SPOP: variants seen among roughly 807,000 people sequenced by gnomAD.
The protein encoded by SPOP is speckle type BTB/POZ protein, also known as speckle-type POZ protein.
SPOP carries 11 observed loss-of-function variants against 45.6 expected under a neutral mutation model. That is an observed-to-expected ratio of 0.24 (90% CI 0.15 to 0.40). The LOEUF is 0.40. Among genes scored for constraint, SPOP ranks in the 10% least tolerant of loss-of-function variants. The probability of loss-of-function intolerance (pLI) is 1.00; values close to 1 mark genes in which losing one functional copy is unlikely to be tolerated. For synonymous variants in SPOP, 166 were observed against 166.3 expected, an observed-to-expected ratio of 1.00 and a Z score of 0.01; for missense variants, 152 against 465.6, an observed-to-expected ratio of 0.33 and a Z score of 6.20.
chr17:49,637,910 C>T (rs2676798), intron 1 of SPOP, among the ~76,000 whole-genome samples: 11,013 of 152,252 alleles, frequency 0.072, 498 homozygotes, highest in East Asian at 0.21. Context: ...CTATGCTGCC[C>T]CAGCTGGAGT....
intron 8 of SPOP, among the ~76,000 whole-genome samples, chr17:49,602,965 G>A (rs1233107182): frequency 6.6e-6 from 1 of 152,120 alleles, no homozygotes. Context: ...ATACAAGGAG[G>A]CACAAAATAA....
At chr17:49,670,534 G>GT (rs1292574643) in intron 1 of SPOP, among the ~76,000 whole-genome samples, 1 of 152,200 alleles carries the variant, frequency 6.6e-6, no homozygotes, top group Non-Finnish European at 1.5e-5. Context: ...CCTGAAATCA[G>GT]TAAGATTACT....
intron 5 of SPOP, among the ~76,000 whole-genome samples, chr17:49,614,066 A>C (rs1299866088): frequency 6.6e-6 from 1 of 152,224 alleles, no homozygotes; most frequent in Non-Finnish European, 1.5e-5. Context: ...TAAAAAAACA[A>C]ATTTCATAAA....
intron 1 of SPOP, among the ~76,000 whole-genome samples, chr17:49,661,850 C>A (rs1183422605): frequency 6.6e-6 from 1 of 151,940 alleles, no homozygotes; most frequent in Non-Finnish European, 1.5e-5. Flanking sequence ...CCCGCCTCTA[C>A]TAAAAGTACA....
chr17:49,644,525 C>T (rs2072718255), intron 1 of SPOP, among the ~76,000 whole-genome samples: 1 of 152,084 alleles, frequency 6.6e-6, no homozygotes, highest in Non-Finnish European at 1.5e-5. Flanking sequence ...AGGTTGTTCA[C>T]TAGTTGTCTG....
At chr17:49,657,429 T>G (rs985206558) in intron 1 of SPOP, among the ~76,000 whole-genome samples, 1 of 152,092 alleles carries the variant, frequency 6.6e-6, no homozygotes, top group African/African-American at 2.4e-5. Context: ...GATGTAGTCT[T>G]GCACTGTCAC....
intron 5 of SPOP, 55 bp downstream of exon 5, chr17:49,618,926 A>G: frequency 6.4e-7 from 1 of 1,567,780 alleles, no homozygotes; most frequent in Non-Finnish European, 8.6e-7. Flanking sequence ...AATTAAGTCT[A>G]CCAATACTCA....
intron 1 of SPOP, among the ~76,000 whole-genome samples, chr17:49,662,083 C>T (rs1160591247): frequency 6.6e-6 from 1 of 151,054 alleles, no homozygotes; most frequent in African/African-American, 2.4e-5. Context: ...TAGAGAGACC[C>T]TTTAATGACC....
intron 1 of SPOP, among the ~76,000 whole-genome samples, chr17:49,637,871 A>T (rs1240494183): frequency 6.6e-6 from 1 of 152,186 alleles, no homozygotes; most frequent in Non-Finnish European, 1.5e-5. Context: ...CATGTATCCT[A>T]TGGTTTTCTG....
At chr17:49,626,964 C>T (rs1260426859) in intron 1 of SPOP, among the ~76,000 whole-genome samples, 1 of 152,092 alleles carries the variant, frequency 6.6e-6, no homozygotes, top group African/African-American at 2.4e-5. Flanking sequence ...ATTCTCCTGC[C>T]TCAGCCTCCT....
chr17:49,655,032 G>A (rs531163406), intron 1 of SPOP, among the ~76,000 whole-genome samples: 1 of 152,118 alleles, frequency 6.6e-6, no homozygotes, highest in East Asian at 1.9e-4. Flanking sequence ...GTCAAAACTT[G>A]TATAATTTAG....
chr17:49,600,519 A>G lies in SPOP; in HGVS notation c.984T>C (p.His328=). ...KTQAVDFINY[H]ASDVLETSGW... is the part of the protein sequence containing the mutation. ...CAGAGGTCTCCAAGACATCCGAAGC[A>G]TGACTAGGAGAAATGTGGAGAAATG... The change falls in exon 10 of 10, where the codon CAT becomes CAC. Residue 328 remains histidine (H), a synonymous_variant. Transcript: ENST00000504102. This position sits in a 1 kb window ranked among gnomAD's most constrained non-coding sequence, Gnocchi z 4.2. The G allele has an allele frequency of 6.2e-7, 1 of 1,614,142 alleles. No individual in the cohort carries two copies. Among genetic ancestry groups the G allele is most frequent in the Non-Finnish European group, 8.5e-7 (1 of 1,180,006 alleles).
At position 49,610,222 on chromosome 17, in the gene SPOP, G is replaced by T. The variant is rs576259054; in HGVS notation, c.658+1058C>A. 3.0e-3 allele frequency among the ~76,000 whole-genome samples: 456 copies of T among 151,030 alleles called. 4 individuals carry two copies. Among genetic ancestry groups the T allele is most frequent in the Admixed American group, 0.024 (363 of 15,166 alleles). ...AGAGTTATAGACTTCCTTGAGTTTT[G>T]TTTTTTTTTCCCCCGAGACAGAGTC... On this transcript the variant is annotated intron_variant, in intron 6 of 9. Coordinates refer to ENST00000504102, the MANE Select transcript of SPOP (RefSeq NM_001007228.2).
intron 6 of SPOP, 89 bp downstream of exon 6, chr17:49,611,191 A>C: frequency 7.0e-7 from 1 of 1,437,358 alleles, no homozygotes; most frequent in East Asian, 2.3e-5. Flanking sequence ...GAGTTCAAAA[A>C]GTTGAAGTTG....
At chr17:49,614,384 A>T (rs1030352543) in intron 5 of SPOP, among the ~76,000 whole-genome samples, 2 of 152,210 alleles carry the variant, frequency 1.3e-5, no homozygotes, top group Non-Finnish European at 2.9e-5. Context: ...AGATGACTAC[A>T]TACAGTCTGA....
intron 3 of SPOP, among the ~76,000 whole-genome samples, chr17:49,620,183 GA>G (rs969461842): frequency 7.1e-5 from 10 of 140,520 alleles, no homozygotes; most frequent in Admixed American, 1.4e-4. Context: ...AAAAGAAAAA[GA>G]AAAAAAAAAG....
chr17:49,614,927 C>T (rs549077780), intron 5 of SPOP, among the ~76,000 whole-genome samples: 1 of 151,662 alleles, frequency 6.6e-6, no homozygotes, highest in South Asian at 2.1e-4. Context: ...GGTGTGATCA[C>T]AGCTCACTGT....
At chr17:49,639,263 T>G (rs2072601955) in intron 1 of SPOP, among the ~76,000 whole-genome samples, 1 of 152,094 alleles carries the variant, frequency 6.6e-6, no homozygotes, top group Non-Finnish European at 1.5e-5. Context: ...TTCTCAAAAT[T>G]TAAAGCATCT....
At chr17:49,634,307 A>C (rs1014475736) in intron 1 of SPOP, among the ~76,000 whole-genome samples, 3 of 152,230 alleles carry the variant, frequency 2.0e-5, no homozygotes, top group South Asian at 2.1e-4. Flanking sequence ...CAAAGAGTGA[A>C]CTTGGGAAAG....
Sources: gnomAD v4.1 joint callset for allele counts (sites outside exome capture counted in the v4.1 genomes callset) on GRCh38, gnomAD v4.1.1 for gene constraint, Gnocchi (gnomAD v3.1) non-coding constraint, MANE v1.5 for transcripts, NCBI Gene and HGNC (gene_info 2026-07-23, HGNC 2026-07-21) for gene names.